CEACAM5: variants seen among roughly 807,000 people sequenced by gnomAD.
CEACAM5 encodes cell adhesion molecule CEACAM5.
Under a neutral mutation model 63.0 loss-of-function variants are expected in CEACAM5, and 52 were observed. The ratio of observed to expected loss-of-function variants is 0.83; its 90% CI spans 0.66 to 1.04. The LOEUF (loss-of-function observed/expected upper bound fraction) is 1.04. Among genes scored for constraint, CEACAM5 ranks in the 50% least tolerant of loss-of-function variants. CEACAM5 has a pLI of 0.00. For synonymous variants in CEACAM5, 357 were observed against 351.3 expected (o/e 1.02, Z -0.18); for missense variants, 790 against 864.8 (o/e 0.91, Z 1.08).
intron 1 of CEACAM5, 88 bp from the exon 2 acceptor site, chr19:41,709,592 G>A (rs868922986): frequency 2.0e-6 from 3 of 1,533,046 alleles, no homozygotes; most frequent in Non-Finnish European, 2.6e-6. Context: ...GCTGGGGGAT[G>A]AAGAGACCTG....
intron 2 of CEACAM5, among the ~76,000 whole-genome samples, chr19:41,711,926 C>T (rs2122775602): frequency 6.6e-6 from 1 of 152,212 alleles, no homozygotes; most frequent in Middle Eastern, 3.4e-3. Flanking sequence ...ATAGGGAAGG[C>T]ACAGATGGAG....
intron 1 of CEACAM5, 98 bp from the exon 2 acceptor site, chr19:41,709,582 G>A: frequency 6.7e-7 from 1 of 1,494,488 alleles, no homozygotes; most frequent in East Asian, 2.3e-5. Context: ...TCACTCCAGG[G>A]CTGGGGGATG....
Position 41,718,172 on chromosome 19 carries a change from C to A in CEACAM5, c.1282C>A (p.Arg428Ser). The A allele has an allele frequency of 1.2e-6, 2 of 1,614,214 alleles. No homozygotes were observed. The highest frequency in any genetic ancestry group is 2.2e-5 in the South Asian group (2 of 91,084). The stretch of plus-strand genomic sequence containing the variant: ...CATTTCCCCCTCATACACCTATTAC[C>A]GTCCAGGGGTGAACCTCAGCCTCTC... The part of the protein sequence containing the change: ...PTISPSYTYY[R>S]PGVNLSLSCH... The change falls in exon 6 of 10, where the codon CGT becomes AGT. Residue 428 changes from arginine to serine, a missense_variant. Physicochemically the swap from Arg to Ser is moderately radical, Grantham distance 110. Transcript: ENST00000221992.
At chr19:41,711,871 T>G (rs993665718) in intron 2 of CEACAM5, among the ~76,000 whole-genome samples, 1 of 152,150 alleles carries the variant, frequency 6.6e-6, no homozygotes, top group East Asian at 1.9e-4. Context: ...CACTGTGTCC[T>G]GGCCCACTTC....
At position 41,721,185 on chromosome 19, in the gene CEACAM5, C is replaced by T. The variant is rs1555816194; in HGVS notation, c.2026+9C>T. 5 of 1,613,842 alleles carry T rather than the reference C, an allele frequency of 3.1e-6. No homozygotes were observed. The East Asian group carries it at 6.7e-5, about 22-fold the overall frequency. On this transcript the variant is annotated intron_variant, in intron 8 of 9. Coordinates refer to ENST00000221992, the MANE Select transcript of CEACAM5 (RefSeq NM_004363.6). ...GAGCATCACAGTCTCTGGTAAGTGGCTCCCTGGAGCATCAGCATCATATTC... is the reference window on the plus strand; with the variant it reads ...GAGCATCACAGTCTCTGGTAAGTGGTTCCCTGGAGCATCAGCATCATATTC...
intron 2 of CEACAM5, among the ~76,000 whole-genome samples, chr19:41,711,510 C>T (rs1053565744): frequency 1.3e-5 from 2 of 152,086 alleles, no homozygotes; most frequent in Non-Finnish European, 2.9e-5. Flanking sequence ...ACACCTGTTC[C>T]GTGTCCATCA....
intron 8 of CEACAM5, among the ~76,000 whole-genome samples, chr19:41,721,604 G>A (rs1398013902): frequency 3.9e-5 from 6 of 152,260 alleles, no homozygotes; most frequent in Admixed American, 3.9e-4. Flanking sequence ...CCAAATGAGA[G>A]GAGGAAGCCC....
At chr19:41,724,524 C>T (rs1314787887) in intron 8 of CEACAM5, among the ~76,000 whole-genome samples, 6 of 152,098 alleles carry the variant, frequency 3.9e-5, no homozygotes, top group African/African-American at 1.2e-4. Flanking sequence ...GACTCTGGTA[C>T]AAATTGCGTT....
intron 6 of CEACAM5, 65 bp downstream of exon 6, chr19:41,718,447 G>C (rs891230842): frequency 1.4e-5 from 22 of 1,565,950 alleles, no homozygotes; most frequent in East Asian, 9.0e-5. Flanking sequence ...TTTCAGAAAA[G>C]AGCCAGGAAG....
intron 9 of CEACAM5, among the ~76,000 whole-genome samples, chr19:41,728,096 C>G (rs1421410258): frequency 6.6e-6 from 1 of 152,228 alleles, no homozygotes; most frequent in Non-Finnish European, 1.5e-5. Flanking sequence ...GCTCAGGACA[C>G]AACTGTGCCT....
At chr19:41,709,372 G>A (rs555480936) in intron 1 of CEACAM5, among the ~76,000 whole-genome samples, 5 of 152,180 alleles carry the variant, frequency 3.3e-5, no homozygotes, top group Non-Finnish European at 7.3e-5. Context: ...TCTAGAGGAG[G>A]TGTCAGGGAA....
chr19:41,711,915 A>G (rs577420767), intron 2 of CEACAM5, among the ~76,000 whole-genome samples: 1 of 152,120 alleles, frequency 6.6e-6, no homozygotes, highest in South Asian at 2.1e-4. Flanking sequence ...AATCACAGGC[A>G]ATAGGGAAGG....
At position 41,727,344 on chromosome 19, in the gene CEACAM5, G is replaced by C. The variant is rs782709836; in HGVS notation, c.*28G>C. ...GCCCTGGTGTAGTTTCTTCATTTCA[G>C]GAAGACTGGTAGGTATAATGGCCTT... On this transcript the variant is annotated 3_prime_UTR_variant, in exon 9 of 10. Coordinates refer to ENST00000221992, the MANE Select transcript of CEACAM5 (RefSeq NM_004363.6). The C allele has an allele frequency of 6.7e-7, 1 of 1,495,994 alleles. No individual in the cohort carries two copies. The highest frequency in any genetic ancestry group is 9.3e-7 in the Non-Finnish European group (1 of 1,073,116). The allele number at this position is 1,495,994 out of a possible 1,614,324, so 92.7% of individuals were successfully genotyped here. A position where few individuals can be genotyped will look rare whatever the true frequency, so the allele number is the denominator to read the frequency against.
chr19:41,728,977 T>C (rs143817690), intron 9 of CEACAM5, among the ~76,000 whole-genome samples: 1 of 152,236 alleles, frequency 6.6e-6, no homozygotes, highest in Middle Eastern at 3.4e-3. Flanking sequence ...TCATTAGTGA[T>C]GTTAAACCTT....
downstream of CEACAM5, among the ~76,000 whole-genome samples, chr19:41,730,491 G>C (rs989367160): frequency 5.3e-5 from 8 of 151,814 alleles, no homozygotes; most frequent in African/African-American, 1.7e-4. Flanking sequence ...GGCCAAGTCT[G>C]ATGAAAATAA....
chr19:41,728,354 T>C lies in CEACAM5; in HGVS notation c.*37-830T>C, dbSNP rs183139287. 2.4e-3 allele frequency among the ~76,000 whole-genome samples: 372 copies of C among 152,340 alleles called. 2 individuals carry two copies. The highest frequency in any genetic ancestry group is 8.7e-3 in the African/African-American group (362 of 41,582). On this transcript the variant is annotated intron_variant, in intron 9 of 9. Transcript: ENST00000221992. ...GTCCCACCGATAAATTCCGATTTACTGGTCTGGAGTGGGACCCAGGCATTC... is the reference window on the plus strand; with the variant it reads ...GTCCCACCGATAAATTCCGATTTACCGGTCTGGAGTGGGACCCAGGCATTC...
At chr19:41,725,823 T>G (rs2072693335) in intron 8 of CEACAM5, among the ~76,000 whole-genome samples, 1 of 152,244 alleles carries the variant, frequency 6.6e-6, no homozygotes, top group African/African-American at 2.4e-5. Flanking sequence ...TTTTATTTAT[T>G]TAAACTCTAA....
chr19:41,708,782 G>T lies in CEACAM5; in HGVS notation c.51G>T (p.Arg17Ser). ...ACAGATGGTGCATCCCCTGGCAGAG[G>T]CTCCTGCTCACAGGTGAAGGGAGGA... ...PPHRWCIPWQ[R>S]LLLTASLLTF... The change falls in exon 1 of 10, where the codon AGG becomes AGT. Residue 17 changes from arginine to serine, a missense_variant. Arg to Ser is a moderately radical substitution (Grantham distance 110). Transcript: ENST00000221992. 7.4e-6 allele frequency: 12 copies of T among 1,611,692 alleles called. No individual in the cohort carries two copies. The highest frequency in any genetic ancestry group is 1.0e-5 in the Non-Finnish European group (12 of 1,178,848).
chr19:41,717,874 T>A (rs2072552744), intron 5 of CEACAM5, 141 bp downstream of exon 5: 1 of 1,159,586 alleles, frequency 8.6e-7, no homozygotes, highest in African/African-American at 1.5e-5. Context: ...CCCCAGCAAA[T>A]CCATGCAGGC....
Sources: allele counts gnomAD v4.1 joint callset (sites outside exome capture counted in the v4.1 genomes callset), GRCh38; gene constraint gnomAD v4.1.1; transcripts MANE v1.5; gene names NCBI Gene and HGNC (gene_info 2026-07-23, HGNC 2026-07-21).